ROBO1: variants seen among roughly 807,000 people sequenced by gnomAD.
ROBO1 encodes roundabout guidance receptor 1.
In ROBO1, 149 loss-of-function variants were observed where a neutral mutation model predicts 195.9. That is an observed-to-expected ratio of 0.76 (90% CI 0.67 to 0.87). The LOEUF (loss-of-function observed/expected upper bound fraction) is 0.87, where lower values mean the gene tolerates loss of function less well. ROBO1 is among the 40% of genes least tolerant of loss of function. ROBO1 has a pLI of 0.00. For synonymous variants in ROBO1, 816 were observed against 733.2 expected (o/e 1.11, Z -1.82); for missense variants, 1,933 against 2,068.3 (o/e 0.93, Z 1.27).
At chr3:79,264,545 C>G (rs1486210433) in intron 2 of ROBO1, among the ~76,000 whole-genome samples, 1 of 151,818 alleles carries the variant, frequency 6.6e-6, no homozygotes, top group Non-Finnish European at 1.5e-5. Context: ...GAAAGTTTGT[C>G]TTTTCATTTA....
At chr3:79,241,087 T>A (rs879650284) in intron 2 of ROBO1, among the ~76,000 whole-genome samples, 1 of 152,202 alleles carries the variant, frequency 6.6e-6, no homozygotes, top group Non-Finnish European at 1.5e-5. Flanking sequence ...AAAATTGAGT[T>A]CTTCTAGCTT....
chr3:79,645,202 C>T (rs983510217), intron 1 of ROBO1, among the ~76,000 whole-genome samples: 2 of 151,920 alleles, frequency 1.3e-5, no homozygotes, highest in African/African-American at 4.8e-5. Context: ...AAGAAGAAAT[C>T]ATAACAATCA....
chr3:78,838,855 C>T (rs1251943740), intron 4 of ROBO1, among the ~76,000 whole-genome samples: 1 of 152,142 alleles, frequency 6.6e-6, no homozygotes, highest in Non-Finnish European at 1.5e-5. Context: ...GACTCTCAAC[C>T]TTATTCCTCA....
intron 1 of ROBO1, among the ~76,000 whole-genome samples, chr3:79,634,401 C>T (rs983834129): frequency 6.6e-6 from 1 of 152,000 alleles, no homozygotes; most frequent in Non-Finnish European, 1.5e-5. Flanking sequence ...GATAAAAGAA[C>T]AAAAATAGGT....
chr3:79,486,401 T>G (rs572305434), intron 2 of ROBO1, among the ~76,000 whole-genome samples: 13 of 152,108 alleles, frequency 8.5e-5, no homozygotes, highest in Non-Finnish European at 1.8e-4. Flanking sequence ...CCAGAGAGTG[T>G]TAAACTTTTA....
At chr3:79,154,256 C>T (rs1022022281) in intron 2 of ROBO1, among the ~76,000 whole-genome samples, 2 of 151,718 alleles carry the variant, frequency 1.3e-5, no homozygotes, top group African/African-American at 4.8e-5. Context: ...TCTTTACAAT[C>T]TTGGTTAATG....
intron 2 of ROBO1, among the ~76,000 whole-genome samples, chr3:79,452,102 T>C (rs904928468): frequency 1.3e-5 from 2 of 152,100 alleles, no homozygotes; most frequent in East Asian, 1.9e-4. Flanking sequence ...CCAGTTACCA[T>C]TGTCTTTAAT....
intron 4 of ROBO1, among the ~76,000 whole-genome samples, chr3:78,813,000 T>G (rs2108635811): frequency 6.6e-6 from 1 of 152,134 alleles, no homozygotes; most frequent in East Asian, 1.9e-4. Context: ...TTATAAAAAT[T>G]TACAGAAGAG....
At chr3:79,509,317 T>A (rs1940574530) in intron 2 of ROBO1, among the ~76,000 whole-genome samples, 1 of 152,160 alleles carries the variant, frequency 6.6e-6, no homozygotes, top group Non-Finnish European at 1.5e-5. Context: ...TCACATTTGC[T>A]GTAGTTTAAA....
intron 1 of ROBO1, among the ~76,000 whole-genome samples, chr3:79,590,991 C>A (rs1015099299): frequency 6.6e-6 from 1 of 151,488 alleles, no homozygotes; most frequent in Non-Finnish European, 1.5e-5. Flanking sequence ...AATGAGGAGC[C>A]ACTGAGATTT....
chr3:79,746,832 TACATTTGCATAAG>T (rs1454776026), intron 1 of ROBO1, among the ~76,000 whole-genome samples: 1 of 152,078 alleles, frequency 6.6e-6, no homozygotes, highest in Non-Finnish European at 1.5e-5. Flanking sequence ...TGTGATAGCT[TACATTTGCATAAG>T]ACTTGGCTGA....
intron 8 of ROBO1, among the ~76,000 whole-genome samples, chr3:78,701,438 G>A (rs1224358608): frequency 6.6e-6 from 1 of 152,210 alleles, no homozygotes; most frequent in African/African-American, 2.4e-5. Flanking sequence ...GTCAAAGGCA[G>A]TGTGAAAGGA....
chr3:79,588,339 A>G (rs1300716005), intron 2 of ROBO1, among the ~76,000 whole-genome samples: 1 of 151,654 alleles, frequency 6.6e-6, no homozygotes, highest in African/African-American at 2.4e-5. Context: ...ATATTCATAC[A>G]TGCATTCCTT....
intron 2 of ROBO1, among the ~76,000 whole-genome samples, chr3:79,289,877 T>C (rs113022246): frequency 6.6e-6 from 1 of 152,082 alleles, no homozygotes; most frequent in Non-Finnish European, 1.5e-5. Context: ...TAGGCTGAGA[T>C]ATTATTTTCT....
At chr3:79,248,986 C>T (rs1050051304) in intron 2 of ROBO1, among the ~76,000 whole-genome samples, 3 of 152,160 alleles carry the variant, frequency 2.0e-5, no homozygotes, top group African/African-American at 7.2e-5. Context: ...TAATAAGACA[C>T]TGTAGTAGAG....
At chr3:79,534,814 C>A (rs1941793157) in intron 2 of ROBO1, among the ~76,000 whole-genome samples, 2 of 152,076 alleles carry the variant, frequency 1.3e-5, no homozygotes, top group African/African-American at 4.8e-5. Flanking sequence ...TGAATCTGAT[C>A]CTGCAGGCAC....
chr3:79,390,060 A>C (rs1408662574), intron 2 of ROBO1, among the ~76,000 whole-genome samples: 1 of 152,170 alleles, frequency 6.6e-6, no homozygotes, highest in Non-Finnish European at 1.5e-5. Context: ...AATAATATCT[A>C]CTGATAGATT....
intron 3 of ROBO1, among the ~76,000 whole-genome samples, chr3:79,105,208 C>T (rs571377123): frequency 2.0e-5 from 3 of 151,610 alleles, no homozygotes; most frequent in South Asian, 2.1e-4. Context: ...AAACTACTAA[C>T]GGAAAAAGAT....
rs540024250 is a variant in ROBO1, at chr3:78,675,619, G to T, written c.1343-5318C>A. On this transcript the variant is annotated intron_variant, in intron 10 of 30. Transcript: ENST00000464233. ...AGGCGGCAGCGAGGCTGGGGGAGGGGGGCCTGCCATTGCCGAGTTAGTTGT... is the reference window on the plus strand; with the variant it reads ...AGGCGGCAGCGAGGCTGGGGGAGGGTGGCCTGCCATTGCCGAGTTAGTTGT... 3.8e-4 allele frequency among the ~76,000 whole-genome samples: 58 copies of T among 152,282 alleles called. 1 individual carries two copies. The East Asian group carries it at 9.9e-3, about 26-fold the overall frequency.
Sources: gnomAD v4.1 joint callset for allele counts (sites outside exome capture counted in the v4.1 genomes callset) on GRCh38, gnomAD v4.1.1 for gene constraint, MANE v1.5 for transcripts, NCBI Gene and HGNC (gene_info 2026-07-23, HGNC 2026-07-21) for gene names.